The following BPGM variants were observed in gnomAD, a reference collection of about 807,000 sequenced individuals.
The protein encoded by BPGM is 2,3-bisphosphoglycerate mutase, erythrocyte.
BPGM carries 15 observed loss-of-function variants against 21.6 expected under a neutral mutation model. That is an observed-to-expected ratio of 0.70 (90% confidence interval 0.47 to 1.07). BPGM has a LOEUF of 1.07. Among genes scored for constraint, BPGM ranks in the 50% least tolerant of loss-of-function variants. The pLI is 0.00. For missense variants in BPGM, 273 were observed against 319.0 expected, an observed-to-expected ratio of 0.86 and a Z score of 1.10; for synonymous variants, 113 against 116.2, an observed-to-expected ratio of 0.97 and a Z score of 0.18.
chr7:134,653,951 G>A (rs1562966880), intron 1 of BPGM, among the ~76,000 whole-genome samples: 2 of 152,196 alleles, frequency 1.3e-5, no homozygotes, highest in East Asian at 3.9e-4. Context: ...TTCACTCACT[G>A]TTCCCCTAGA....
chr7:134,674,458 A>G (rs1457307151), intron 2 of BPGM, among the ~76,000 whole-genome samples: 1 of 152,098 alleles, frequency 6.6e-6, no homozygotes, highest in African/African-American at 2.4e-5. Context: ...TTGTGTCACT[A>G]TAGATTCACC....
intron 1 of BPGM, among the ~76,000 whole-genome samples, chr7:134,652,825 G>A (rs1332303885): frequency 6.6e-6 from 1 of 152,174 alleles, no homozygotes; most frequent in Non-Finnish European, 1.5e-5. Flanking sequence ...TTTTATGGTT[G>A]AATGATATTC....
chr7:134,670,112 A>G lies in BPGM; in HGVS notation c.601+8004A>G, dbSNP rs1795881524. 2.0e-5 allele frequency among the ~76,000 whole-genome samples: 3 copies of G among 152,342 alleles called. No individual in the cohort carries two copies. In the South Asian group the frequency reaches 6.2e-4, roughly 32 times the overall value. ...CACTGGATGTAGTCTGCATCTTGCC[A>G]GAGGAAATGGATTGTTTAGTCTGGG... On this transcript the variant is annotated intron_variant, in intron 2 of 2. Transcript: ENST00000344924.
Position 134,679,106 on chromosome 7 carries a change from C to T in BPGM, c.*75C>T. On this transcript the variant is annotated 3_prime_UTR_variant, in exon 3 of 3. Coordinates refer to ENST00000344924, the MANE Select transcript of BPGM (RefSeq NM_001724.5). ...GTGTGTTATGGGTGCTGAACTCTCT[C>T]TCTTTTTCCCCGATTTTCCAGAGCT... is the stretch of plus-strand genomic sequence containing the variant. 3 of 1,518,066 alleles carry T rather than the reference C, an allele frequency of 2.0e-6. No homozygotes were observed. The highest frequency in any genetic ancestry group is 2.7e-6 in the Non-Finnish European group (3 of 1,105,900). The allele number at this position is 1,518,066 out of a possible 1,614,324, so 94.0% of individuals were successfully genotyped here. A position where few individuals can be genotyped will look rare whatever the true frequency, so the allele number is the denominator to read the frequency against.
Position 134,658,892 on chromosome 7 carries a change from A to ATTTTTTTTTTTTTTT in BPGM, c.-61-2545_-61-2544insTTTTTTTTTTTTTTT, listed in dbSNP as rs1554411129. Among the ~76,000 whole-genome samples, 97 of 143,906 alleles carry ATTTTTTTTTTTTTTT rather than the reference A, an allele frequency of 6.7e-4. 1 individual carries two copies. The highest frequency in any genetic ancestry group is 2.0e-3 in the East Asian group (10 of 5,054). The allele number at this position is 143,906 out of a possible 152,430, so 94.4% of individuals were successfully genotyped here. ...TCTGTTCTGGTGTGTGTGTGTGTGT[A>ATTTTTTTTTTTTTTT]TTTTTTTTTTAGTAAAAAGAAAACA... On this transcript the variant is annotated intron_variant, in intron 1 of 2. Coordinates refer to ENST00000344924, the MANE Select transcript of BPGM (RefSeq NM_001724.5).
At chr7:134,674,157 C>T (rs1285282039) in intron 2 of BPGM, among the ~76,000 whole-genome samples, 3 of 152,132 alleles carry the variant, frequency 2.0e-5, no homozygotes, top group East Asian at 3.8e-4. Context: ...AAGTGATCCA[C>T]CCACCTCAGC....
chr7:134,657,291 G>T (rs1192726785), intron 1 of BPGM, among the ~76,000 whole-genome samples: 1 of 152,190 alleles, frequency 6.6e-6, no homozygotes, highest in Admixed American at 6.5e-5. Context: ...TGAGTGTTCT[G>T]CATAGGGTAC....
chr7:134,657,801 T>G (rs1208125158), intron 1 of BPGM, among the ~76,000 whole-genome samples: 1 of 152,160 alleles, frequency 6.6e-6, no homozygotes, highest in Non-Finnish European at 1.5e-5. Flanking sequence ...TAAAGGTGGG[T>G]CAGGGAGAAG....
chr7:134,670,144 C>T lies in BPGM; in HGVS notation c.601+8036C>T, dbSNP rs949649710. On this transcript the variant is annotated intron_variant, in intron 2 of 2. Coordinates refer to ENST00000344924, the MANE Select transcript of BPGM (RefSeq NM_001724.5). ...ATGGATTGTTTAGTCTGGGTTTAAG[C>T]ACAGGACGAGGCAGTTTCAAGTTTG... is the stretch of plus-strand genomic sequence containing the variant. Among the ~76,000 whole-genome samples the T allele has an allele frequency of 2.6e-5, 4 of 152,184 alleles. No individual in the cohort carries two copies. In the East Asian group the frequency reaches 7.7e-4, roughly 29 times the overall value.
intron 1 of BPGM, among the ~76,000 whole-genome samples, chr7:134,655,592 T>C (rs1290936229): frequency 6.6e-6 from 1 of 152,236 alleles, no homozygotes; most frequent in Admixed American, 6.5e-5. Context: ...ACTAAACTTA[T>C]AGTACAAAAG....
intron 1 of BPGM, among the ~76,000 whole-genome samples, chr7:134,653,559 T>G (rs370499885): frequency 1.3e-5 from 2 of 152,328 alleles, no homozygotes; most frequent in South Asian, 4.1e-4. Context: ...AGGCTTTTTT[T>G]GTGTCACTAT....
intron 2 of BPGM, among the ~76,000 whole-genome samples, chr7:134,678,261 C>T (rs1053512164): frequency 3.3e-5 from 5 of 152,156 alleles, no homozygotes; most frequent in East Asian, 1.9e-4. Context: ...CATAGGAGAG[C>T]GAGCCCTGTT....
intron 1 of BPGM, among the ~76,000 whole-genome samples, chr7:134,650,037 T>C (rs1184442881): frequency 6.6e-6 from 1 of 152,228 alleles, no homozygotes; most frequent in Non-Finnish European, 1.5e-5. Context: ...AGTAGTTTCA[T>C]GATCCTCATC....
At chr7:134,648,305 TTG>T (rs1164289707) in intron 1 of BPGM, among the ~76,000 whole-genome samples, 2 of 151,112 alleles carry the variant, frequency 1.3e-5, no homozygotes, top group African/African-American at 4.9e-5. Context: ...CCAGCTAATT[TTG>T]TGTTTTTAGT....
chr7:134,670,430 T>A (rs1795886019), intron 2 of BPGM, among the ~76,000 whole-genome samples: 1 of 152,198 alleles, frequency 6.6e-6, no homozygotes, highest in Admixed American at 6.5e-5. Context: ...GGTTAAGCTT[T>A]CTTTTATAAT....
chr7:134,648,158 G>A (rs1428012485), intron 1 of BPGM, among the ~76,000 whole-genome samples: 3 of 141,528 alleles, frequency 2.1e-5, no homozygotes, highest in Admixed American at 7.2e-5. Context: ...GTTTTCAGAC[G>A]GAGTTTCGCT....
rs1796022204 is a variant in BPGM, at chr7:134,678,943, C to T, written c.692C>T (p.Pro231Leu). 1 of 1,614,080 alleles carries T rather than the reference C, an allele frequency of 6.2e-7. No homozygotes were observed. Among genetic ancestry groups the T allele is most frequent in the Non-Finnish European group, 8.5e-7 (1 of 1,179,952 alleles). The change falls in exon 3 of 3, where the codon CCT becomes CTT. Residue 231 changes from proline to leucine, a missense_variant. By Grantham distance (98) the Pro-to-Leu change is moderately conservative (BLOSUM62 -3). Coordinates refer to ENST00000344924, the MANE Select transcript of BPGM (RefSeq NM_001724.5). ...ELDENLRAVG[P>L]HQFLGDQEAI... ...GATGAAAACCTGCGTGCTGTTGGGC[C>T]TCATCAGTTCCTGGGTGACCAAGAG...
At chr7:134,676,931 T>C (rs1041407471) in intron 2 of BPGM, among the ~76,000 whole-genome samples, 3 of 152,194 alleles carry the variant, frequency 2.0e-5, no homozygotes, top group African/African-American at 7.2e-5. Flanking sequence ...TCTGGCCTGT[T>C]GAAGCCAGAA....
At chr7:134,665,851 T>TAGAG (rs1795812079) in intron 2 of BPGM, among the ~76,000 whole-genome samples, 2 of 149,732 alleles carry the variant, frequency 1.3e-5, no homozygotes, top group South Asian at 4.2e-4. Flanking sequence ...TCTTTTCTTT[T>TAGAG]AGAGATTAAT....
Sources: allele counts gnomAD v4.1 joint callset (sites outside exome capture counted in the v4.1 genomes callset), GRCh38; gene constraint gnomAD v4.1.1; transcripts MANE v1.5; gene names NCBI Gene and HGNC (gene_info 2026-07-23, HGNC 2026-07-21).